Variants in DYM observed in about 807,000 individuals in gnomAD.
DYM encodes dymeclin, also known as dyggve-Melchior-Clausen syndrome protein.
DYM carries 78 observed loss-of-function variants against 93.1 expected under a neutral mutation model. That is an observed-to-expected ratio of 0.84 (90% confidence interval 0.70 to 1.01). The LOEUF (loss-of-function observed/expected upper bound fraction) is 1.01. Among genes scored for constraint, DYM ranks in the 50% least tolerant of loss-of-function variants. The pLI, the probability that DYM is intolerant of heterozygous loss-of-function variation, is 0.00. For synonymous variants in DYM, 321 were observed against 319.7 expected (o/e 1.00, Z -0.04); for missense variants, 789 against 845.0 (o/e 0.93, Z 0.82).
chr18:49,245,919 C>G (rs997924079), intron 13 of DYM, among the ~76,000 whole-genome samples: 4 of 152,200 alleles, frequency 2.6e-5, no homozygotes, highest in Non-Finnish European at 5.9e-5. Context: ...CCAGCCGACA[C>G]TTAGGAAAAA....
intron 16 of DYM, among the ~76,000 whole-genome samples, chr18:49,104,150 A>G (rs1345375349): frequency 1.3e-5 from 2 of 151,996 alleles, no homozygotes; most frequent in Non-Finnish European, 2.9e-5. Flanking sequence ...TTGGATTCCT[A>G]GGTATTTTAT....
intron 15 of DYM, among the ~76,000 whole-genome samples, chr18:49,143,818 T>C (rs1041976623): frequency 2.0e-5 from 3 of 152,124 alleles, no homozygotes; most frequent in Non-Finnish European, 4.4e-5. Context: ...TCCATGTACC[T>C]ATCACCCAGC....
chr18:49,442,740 T>C (rs1432113803), intron 1 of DYM, among the ~76,000 whole-genome samples: 1 of 152,210 alleles, frequency 6.6e-6, no homozygotes, highest in Non-Finnish European at 1.5e-5. Flanking sequence ...ATATACTAAC[T>C]GATTTTACAC....
chr18:49,453,959 C>T (rs746808451), intron 1 of DYM, among the ~76,000 whole-genome samples: 1 of 152,232 alleles, frequency 6.6e-6, no homozygotes, highest in Non-Finnish European at 1.5e-5. Context: ...AGGAATGTTA[C>T]TTTTATATTA....
At chr18:49,191,216 T>C (rs936041390) in intron 14 of DYM, among the ~76,000 whole-genome samples, 1 of 152,104 alleles carries the variant, frequency 6.6e-6, no homozygotes, top group African/African-American at 2.4e-5. Flanking sequence ...ATAAATACAA[T>C]TGTTAGTAAC....
intron 14 of DYM, among the ~76,000 whole-genome samples, chr18:49,202,277 AG>A (rs1245464833): frequency 6.6e-6 from 1 of 152,220 alleles, no homozygotes; most frequent in Non-Finnish European, 1.5e-5. Context: ...AGCAACACAC[AG>A]GGGGTGGTGG....
intron 3 of DYM, among the ~76,000 whole-genome samples, chr18:49,389,321 T>G (rs577755127): frequency 3.1e-4 from 47 of 152,200 alleles, no homozygotes; most frequent in African/African-American, 1.1e-3. Flanking sequence ...TGTCTGTGTG[T>G]GTGTGTGTGT....
chr18:49,047,696 C>T (rs1230292325), intron 17 of DYM, among the ~76,000 whole-genome samples: 1 of 152,120 alleles, frequency 6.6e-6, no homozygotes, highest in Non-Finnish European at 1.5e-5. Context: ...CCTCCTCATA[C>T]ACTGTGTTGA....
intron 8 of DYM, among the ~76,000 whole-genome samples, chr18:49,327,381 GAGACAAAGTCTGTCACTC>G (rs1210963675): frequency 6.6e-6 from 1 of 151,772 alleles, no homozygotes; most frequent in Non-Finnish European, 1.5e-5. Context: ...TTTTGTTGTT[GAGACAAAGTCTGTCACTC>G]AGGCTGGAGT....
chr18:49,301,809 A>G (rs2060954944), intron 8 of DYM, among the ~76,000 whole-genome samples: 1 of 152,202 alleles, frequency 6.6e-6, no homozygotes, highest in Non-Finnish European at 1.5e-5. Flanking sequence ...ATCCAGCCTG[A>G]TAGTGGCACC....
chr18:49,410,922 T>C (rs575711998), intron 2 of DYM, among the ~76,000 whole-genome samples: 1 of 152,330 alleles, frequency 6.6e-6, no homozygotes, highest in African/African-American at 2.4e-5. Context: ...TTAAAGATGT[T>C]AGCATATTAT....
chr18:49,291,982 T>C (rs1297289156), intron 8 of DYM, among the ~76,000 whole-genome samples: 1 of 152,188 alleles, frequency 6.6e-6, no homozygotes, highest in Non-Finnish European at 1.5e-5. Flanking sequence ...TCCATCACTG[T>C]GTGTTCCAGG....
intron 11 of DYM, among the ~76,000 whole-genome samples, chr18:49,269,454 C>T (rs2094635170): frequency 6.6e-6 from 1 of 152,170 alleles, no homozygotes; most frequent in Non-Finnish European, 1.5e-5. Context: ...AATTCCTCTT[C>T]TGGGCATAAG....
chr18:49,292,830 CTTATTA>C (rs562734207), intron 8 of DYM, among the ~76,000 whole-genome samples: 368 of 151,810 alleles, frequency 2.4e-3, no homozygotes, highest in Non-Finnish European at 4.1e-3. Context: ...AGTTTTTTGT[CTTATTA>C]TTATTATACT....
chr18:49,315,214 TAAA>T (rs201223596), intron 8 of DYM, among the ~76,000 whole-genome samples: 1 of 146,040 alleles, frequency 6.8e-6, no homozygotes, highest in African/African-American at 2.5e-5. Context: ...GACCCTGTGT[TAAA>T]AAAAAAAAAA....
chr18:49,202,406 G>T (rs945255047), intron 14 of DYM, among the ~76,000 whole-genome samples: 7 of 149,446 alleles, frequency 4.7e-5, no homozygotes, highest in African/African-American at 1.7e-4. Context: ...GCCTCTGCCC[G>T]GCCGCCACCC....
intron 15 of DYM, among the ~76,000 whole-genome samples, chr18:49,131,699 T>C (rs755766999): frequency 4.9e-4 from 75 of 152,334 alleles, no homozygotes; most frequent in Admixed American, 9.8e-4. Flanking sequence ...ATCACTAAAG[T>C]GAGACAATCA....
chr18:49,282,205 T>C (rs1179844919), intron 9 of DYM, 30 bp from the exon 10 acceptor site: 6 of 1,580,014 alleles, frequency 3.8e-6, no homozygotes, highest in Non-Finnish European at 5.2e-6. Context: ...ACATCAGTAA[T>C]TTCTAGCTGT....
At chr18:49,084,033 GTTTAA>G (rs1375033950) in intron 17 of DYM, among the ~76,000 whole-genome samples, 4 of 151,950 alleles carry the variant, frequency 2.6e-5, no homozygotes, top group African/African-American at 9.7e-5. Flanking sequence ...CTTATTTGAG[GTTTAA>G]TTTGCTTTTC....
Sources: gnomAD v4.1 joint callset for allele counts (sites outside exome capture counted in the v4.1 genomes callset) on GRCh38, gnomAD v4.1.1 for gene constraint, MANE v1.5 for transcripts, NCBI Gene and HGNC (gene_info 2026-07-23, HGNC 2026-07-21) for gene names.